SHB: variants seen among roughly 807,000 people sequenced by gnomAD.
SHB encodes the protein SH2 domain-containing adapter protein B.
In SHB, 20 loss-of-function variants were observed where a neutral mutation model predicts 52.3. That is an observed-to-expected ratio of 0.38 (90% CI 0.27 to 0.56). SHB has a LOEUF of 0.56. SHB is among the 20% of genes least tolerant of loss of function. The pLI, the probability that SHB is intolerant of heterozygous loss-of-function variation, is 0.71. For synonymous variants in SHB, 397 were observed against 316.5 expected, an observed-to-expected ratio of 1.25 and a Z score of -2.70; for missense variants, 825 against 723.3, an observed-to-expected ratio of 1.14 and a Z score of -1.61.
In SHB at chr9:37,917,537, T is replaced by C. The variant is rs1319673305; in HGVS notation, c.*2284A>G. Among the ~76,000 whole-genome samples, 1 of 152,010 alleles carries C rather than the reference T, an allele frequency of 6.6e-6. No individual in the cohort carries two copies. The highest frequency in any genetic ancestry group is 1.5e-5 in the Non-Finnish European group (1 of 67,976). Reference sequence around the variant, plus strand: ...TGGACCTGAACTTGCCAGTGTGAGGTCTCACCCTCCTCCCCCGCCGGAGGG... The same window carrying C: ...TGGACCTGAACTTGCCAGTGTGAGGCCTCACCCTCCTCCCCCGCCGGAGGG... On this transcript the variant is annotated 3_prime_UTR_variant, in exon 6 of 6. Coordinates refer to ENST00000377707, the MANE Select transcript of SHB (RefSeq NM_003028.3).
intron 1 of SHB, among the ~76,000 whole-genome samples, chr9:38,052,389 G>A (rs569485655): frequency 2.0e-5 from 3 of 152,300 alleles, no homozygotes; most frequent in South Asian, 2.1e-4. Flanking sequence ...CACATGTTCC[G>A]TCCGGCTCTG....
At chr9:37,994,979 T>C (rs977847506) in intron 2 of SHB, among the ~76,000 whole-genome samples, 2 of 152,206 alleles carry the variant, frequency 1.3e-5, no homozygotes, top group Non-Finnish European at 2.9e-5. Flanking sequence ...AAACCCTTAA[T>C]ATCTGGAACT....
At chr9:37,965,131 G>A (rs1832734927) in intron 3 of SHB, among the ~76,000 whole-genome samples, 1 of 152,244 alleles carries the variant, frequency 6.6e-6, no homozygotes, top group African/African-American at 2.4e-5. Context: ...AAGACCCAAA[G>A]CCCCAGCCCC....
intron 4 of SHB, among the ~76,000 whole-genome samples, chr9:37,953,394 G>A (rs77126260): frequency 0.025 from 3,741 of 152,194 alleles, 87 homozygotes; most frequent in East Asian, 0.088. Flanking sequence ...TCTCAGCAGG[G>A]GCAGTTGAGA....
chr9:37,981,509 C>CAT (rs61477873), intron 2 of SHB, among the ~76,000 whole-genome samples: 84,823 of 151,916 alleles, frequency 0.56, 24,072 homozygotes, highest in East Asian at 0.75. Context: ...TCTCTAATAG[C>CAT]AACAAGGCTG....
chr9:38,007,513 C>G (rs1821087912), intron 2 of SHB, among the ~76,000 whole-genome samples: 1 of 152,216 alleles, frequency 6.6e-6, no homozygotes, highest in African/African-American at 2.4e-5. Context: ...CCCTGCCCAC[C>G]TAGCAAGTGG....
chr9:38,022,070 C>T (rs1249693273), intron 1 of SHB, among the ~76,000 whole-genome samples: 1 of 152,180 alleles, frequency 6.6e-6, no homozygotes, highest in Non-Finnish European at 1.5e-5. Context: ...CTCAATGCTC[C>T]CAGTCAGACC....
intron 1 of SHB, among the ~76,000 whole-genome samples, chr9:38,064,643 G>A (rs907053099): frequency 1.3e-5 from 2 of 152,124 alleles, no homozygotes; most frequent in African/African-American, 4.8e-5. Context: ...GGAAACAAAG[G>A]ATGAAATTCC....
intron 2 of SHB, among the ~76,000 whole-genome samples, chr9:37,978,000 G>T (rs1440128489): frequency 2.0e-5 from 3 of 152,180 alleles, no homozygotes; most frequent in African/African-American, 7.2e-5. Flanking sequence ...TCACGCCAAA[G>T]AGATACTCAG....
At chr9:37,982,979 C>T (rs985657701) in intron 2 of SHB, among the ~76,000 whole-genome samples, 1 of 151,400 alleles carries the variant, frequency 6.6e-6, no homozygotes, top group African/African-American at 2.4e-5. Flanking sequence ...TGGTGCCCCC[C>T]CCTCCATCTT....
At chr9:37,953,706 G>A (rs907605948) in intron 4 of SHB, among the ~76,000 whole-genome samples, 2 of 152,162 alleles carry the variant, frequency 1.3e-5, no homozygotes, top group Non-Finnish European at 2.9e-5. Context: ...TAGGGTGGAG[G>A]AGAGGTTCAG....
intron 2 of SHB, among the ~76,000 whole-genome samples, chr9:38,011,289 A>T (rs1821138921): frequency 6.6e-6 from 1 of 152,222 alleles, no homozygotes; most frequent in Admixed American, 6.5e-5. Flanking sequence ...GGAACCCAGA[A>T]ACGCTCTGGT....
intron 5 of SHB, among the ~76,000 whole-genome samples, chr9:37,939,380 T>G (rs1019995820): frequency 6.6e-6 from 1 of 152,246 alleles, no homozygotes; most frequent in South Asian, 2.1e-4. Flanking sequence ...GTTAAGCCCC[T>G]TTGAGCCTCT....
chr9:38,016,178 G>C lies in SHB; in HGVS notation c.718-47C>G, dbSNP rs530037534. The C allele has an allele frequency of 3.7e-6, 6 of 1,607,000 alleles. No individual in the cohort carries two copies. In the African/African-American group the frequency reaches 8.0e-5, roughly 21 times the overall value. ...GTGTGAGTCCACCTTTGGCTTTTTT[G>C]TTTCACATCTCTTCACAGCTAGGCT... On this transcript the variant is annotated intron_variant, in intron 1 of 5. Transcript: ENST00000377707.
At chr9:38,058,660 T>A (rs923002445) in intron 1 of SHB, among the ~76,000 whole-genome samples, 36 of 152,250 alleles carry the variant, frequency 2.4e-4, no homozygotes, top group African/African-American at 7.9e-4. Flanking sequence ...TCAATGCTTG[T>A]GAGTTCCGAC....
intron 2 of SHB, among the ~76,000 whole-genome samples, chr9:37,984,595 G>A (rs1311568129): frequency 1.3e-5 from 2 of 151,988 alleles, no homozygotes; most frequent in Non-Finnish European, 2.9e-5. Context: ...TTTTAAATCA[G>A]TCTGTCTTGT....
chr9:37,969,778 C>T (rs1820570740), intron 3 of SHB, among the ~76,000 whole-genome samples: 1 of 152,244 alleles, frequency 6.6e-6, no homozygotes, highest in African/African-American at 2.4e-5. Flanking sequence ...ACCTGCCACA[C>T]CAACCTGCAC....
chr9:37,961,199 G>A (rs1431176375), intron 3 of SHB, among the ~76,000 whole-genome samples: 2 of 152,140 alleles, frequency 1.3e-5, no homozygotes, highest in Non-Finnish European at 2.9e-5. Context: ...TAGCTCAGGG[G>A]GCATCCACAC....
chr9:38,066,190 C>T (rs909521956), intron 1 of SHB, among the ~76,000 whole-genome samples: 1 of 152,176 alleles, frequency 6.6e-6, no homozygotes, highest in Non-Finnish European at 1.5e-5. Flanking sequence ...CAAATCATTC[C>T]TTAGTGTTTG....
Sources: gnomAD v4.1 joint callset for allele counts (sites outside exome capture counted in the v4.1 genomes callset) on GRCh38, gnomAD v4.1.1 for gene constraint, MANE v1.5 for transcripts, NCBI Gene and HGNC (gene_info 2026-07-23, HGNC 2026-07-21) for gene names.